MAML2: variants seen among roughly 807,000 people sequenced by gnomAD.
MAML2 encodes the protein mastermind-like protein 2.
MAML2 carries 22 observed loss-of-function variants against 96.1 expected under a neutral mutation model. The observed-to-expected ratio is 0.23, with a 90% CI of 0.16 to 0.33. MAML2 has a LOEUF of 0.33. Among genes scored for constraint, MAML2 ranks in the 10% least tolerant of loss-of-function variants. The probability of loss-of-function intolerance (pLI) is 1.00; values close to 1 mark genes in which losing one functional copy is unlikely to be tolerated. For synonymous variants in MAML2, 561 were observed against 521.3 expected, an observed-to-expected ratio of 1.08 and a Z score of -1.04; for missense variants, 1,367 against 1,392.4, an observed-to-expected ratio of 0.98 and a Z score of 0.29.
rs545917600 is a variant in MAML2, at chr11:96,138,324, C to CCGCCACCTGAG, written c.514-44818_514-44808dup. Among the ~76,000 whole-genome samples, 55 of 152,286 alleles carry CCGCCACCTGAG rather than the reference C, an allele frequency of 3.6e-4. No individual in the cohort carries two copies. The East Asian group carries it at 0.011, about 29-fold the overall frequency. On this transcript the variant is annotated intron_variant, in intron 1 of 4. Transcript: ENST00000524717. ...TACTGATTTCCAGACAGCCACCTGACCGCCACCTGAGCTCATATTACTGCC... is the reference window on the plus strand; with the variant it reads ...TACTGATTTCCAGACAGCCACCTGACCGCCACCTGAGCGCCACCTGAGCTCATATTACTGCC...
chr11:96,199,507 T>G (rs1414075327), intron 1 of MAML2, among the ~76,000 whole-genome samples: 1 of 151,978 alleles, frequency 6.6e-6, no homozygotes, highest in Non-Finnish European at 1.5e-5. Context: ...TTGATATACC[T>G]TCCATGTTTC....
intron 1 of MAML2, among the ~76,000 whole-genome samples, chr11:96,273,500 T>C (rs897956862): frequency 1.9e-4 from 29 of 152,244 alleles, no homozygotes; most frequent in African/African-American, 6.5e-4. Context: ...TTTCTTCTTT[T>C]GTAGCTTTCA....
chr11:96,297,653 T>C (rs901596120), intron 1 of MAML2, among the ~76,000 whole-genome samples: 1 of 152,168 alleles, frequency 6.6e-6, no homozygotes, highest in African/African-American at 2.4e-5. Context: ...AAGATTAGTA[T>C]GAAGAATTTC....
At chr11:95,990,854 A>G (rs1272961412) in intron 3 of MAML2, among the ~76,000 whole-genome samples, 1 of 152,160 alleles carries the variant, frequency 6.6e-6, no homozygotes, top group Non-Finnish European at 1.5e-5. Flanking sequence ...ACCAGGGCTG[A>G]GCAGATAAAT....
intron 4 of MAML2, among the ~76,000 whole-genome samples, chr11:95,982,588 G>T (rs557032251): frequency 6.6e-6 from 1 of 152,260 alleles, no homozygotes; most frequent in East Asian, 1.9e-4. Context: ...CAGCAAGCCA[G>T]CCCTAGACTA....
intron 1 of MAML2, among the ~76,000 whole-genome samples, chr11:96,147,663 T>G (rs974619769): frequency 1.3e-5 from 2 of 152,254 alleles, no homozygotes; most frequent in Non-Finnish European, 2.9e-5. Context: ...CTTTTTTCTT[T>G]CTCTCCATTG....
intron 1 of MAML2, among the ~76,000 whole-genome samples, chr11:96,186,610 G>A (rs1304183358): frequency 6.6e-6 from 1 of 152,190 alleles, no homozygotes; most frequent in Non-Finnish European, 1.5e-5. Flanking sequence ...GTGATGAAAA[G>A]AGGGGCAGAT....
intron 2 of MAML2, among the ~76,000 whole-genome samples, chr11:96,083,419 T>C (rs887597664): frequency 2.0e-5 from 3 of 152,210 alleles, no homozygotes; most frequent in African/African-American, 7.2e-5. Flanking sequence ...TATAGGCCAG[T>C]CCAGCCCCCA....
intron 2 of MAML2, among the ~76,000 whole-genome samples, chr11:95,999,574 TAAAA>T (rs5793766): frequency 7.2e-6 from 1 of 138,506 alleles, no homozygotes; most frequent in Non-Finnish European, 1.6e-5. Context: ...TTCTCTTAAT[TAAAA>T]AAAAAAAAAA....
At position 96,181,900 on chromosome 11, in the gene MAML2, T is replaced by C. The variant is rs573539147; in HGVS notation, c.514-88383A>G. 1.9e-4 allele frequency among the ~76,000 whole-genome samples: 29 copies of C among 152,344 alleles called. No homozygotes were observed. The South Asian group carries it at 5.0e-3, about 26-fold the overall frequency. On this transcript the variant is annotated intron_variant, in intron 1 of 4. Transcript: ENST00000524717. ...TTTCTTTATATAATATCACAACCAC[T>C]ATCTAATTCAGCGAAAATCTTCCCT...
intron 2 of MAML2, among the ~76,000 whole-genome samples, chr11:96,068,603 C>T (rs563983062): frequency 8.0e-4 from 122 of 152,008 alleles, no homozygotes; most frequent in African/African-American, 2.4e-3. Flanking sequence ...CCAAGGTGAG[C>T]GGATCATGAG....
chr11:95,999,568 C>A (rs1219459572), intron 2 of MAML2, among the ~76,000 whole-genome samples: 25 of 130,576 alleles, frequency 1.9e-4, no homozygotes, highest in African/African-American at 7.1e-4. Context: ...GTATTGTTCT[C>A]TTAATTAAAA....
At chr11:96,157,263 G>A (rs1026366533) in intron 1 of MAML2, among the ~76,000 whole-genome samples, 9 of 152,304 alleles carry the variant, frequency 5.9e-5, no homozygotes, top group African/African-American at 2.2e-4. Context: ...TAGGAGAAAG[G>A]GGCTGTCCTA....
intron 4 of MAML2, among the ~76,000 whole-genome samples, chr11:95,983,487 G>C (rs1306319025): frequency 6.6e-6 from 1 of 152,174 alleles, no homozygotes; most frequent in East Asian, 1.9e-4. Context: ...CTGGTGTTTT[G>C]TAGCACTCTA....
At chr11:96,076,591 G>A (rs1406857098) in intron 2 of MAML2, among the ~76,000 whole-genome samples, 1 of 152,170 alleles carries the variant, frequency 6.6e-6, no homozygotes. Context: ...TCCCATGGAA[G>A]TCAGGGCTGC....
chr11:96,171,069 C>A (rs545538843), intron 1 of MAML2, among the ~76,000 whole-genome samples: 1 of 151,994 alleles, frequency 6.6e-6, no homozygotes, highest in African/African-American at 2.4e-5. Context: ...CTAGTTGAGC[C>A]CTGGGTTCCC....
chr11:96,299,233 C>G (rs994178072), intron 1 of MAML2, among the ~76,000 whole-genome samples: 1 of 130,634 alleles, frequency 7.7e-6, no homozygotes, highest in Non-Finnish European at 1.6e-5. Context: ...CTGTCTGACA[C>G]TAATCATAAG....
chr11:96,298,556 C>T (rs947145385), intron 1 of MAML2, among the ~76,000 whole-genome samples: 11 of 151,850 alleles, frequency 7.2e-5, no homozygotes, highest in Non-Finnish European at 1.6e-4. Flanking sequence ...GCTAAGAGTG[C>T]TGGGTTATAT....
At chr11:96,027,111 C>A (rs1234821065) in intron 2 of MAML2, among the ~76,000 whole-genome samples, 1 of 152,170 alleles carries the variant, frequency 6.6e-6, no homozygotes, top group Non-Finnish European at 1.5e-5. Flanking sequence ...CAGGATTGAG[C>A]TGATGGGACT....
Sources: gnomAD v4.1 joint callset for allele counts (sites outside exome capture counted in the v4.1 genomes callset) on GRCh38, gnomAD v4.1.1 for gene constraint, MANE v1.5 for transcripts, NCBI Gene and HGNC (gene_info 2026-07-23, HGNC 2026-07-21) for gene names.